The following TMEM235 variants were observed in gnomAD, a reference collection of about 807,000 sequenced individuals.
The protein encoded by TMEM235 is transmembrane protein 235.
A neutral mutation model predicts 22.9 loss-of-function variants in TMEM235; 23 were observed. The ratio of observed to expected loss-of-function variants is 1.00; its 90% CI spans 0.72 to 1.42. The LOEUF is 1.42. Ranked by LOEUF, TMEM235 falls within the 40% of genes most tolerant of loss-of-function variation. TMEM235 has a pLI of 0.00. For missense variants in TMEM235, 308 were observed against 299.5 expected (o/e 1.03, Z -0.21); for synonymous variants, 137 against 140.5 (o/e 0.98, Z 0.17).
At chr17:78,233,963 C>G in exon 3 of TMEM235, 1 of 1,529,728 alleles carries the variant, frequency 6.5e-7, no homozygotes, top group Non-Finnish European at 8.7e-7. Context: ...CACCTCGGTG[C>G]AGCACCTCAT....
chr17:78,232,618 C>A (rs2076595849), intron 2 of TMEM235, among the ~76,000 whole-genome samples: 1 of 152,224 alleles, frequency 6.6e-6, no homozygotes, highest in African/African-American at 2.4e-5. Context: ...GTTCACCCCA[C>A]ACCTCCTGAT....
At chr17:78,234,414 C>T in intron 3 of TMEM235, 179 bp from the exon 3 acceptor site, 3 of 949,118 alleles carry the variant, frequency 3.2e-6, no homozygotes, top group Middle Eastern at 2.1e-4. Flanking sequence ...CCCCTCCTGG[C>T]CTTAGGAAGC....
intron 3 of TMEM235, 94 bp downstream of exon 2, chr17:78,234,069 C>A: frequency 8.7e-7 from 1 of 1,146,228 alleles, no homozygotes; most frequent in Non-Finnish European, 1.2e-6. Flanking sequence ...AGCACTGCTT[C>A]CACTGCCCCT....
chr17:78,234,043 C>T (rs773473011), intron 3 of TMEM235, 68 bp downstream of exon 2: 95 of 1,321,018 alleles, frequency 7.2e-5, no homozygotes, highest in Admixed American at 1.6e-4. Context: ...CCCAGCCATC[C>T]CCATCCCCAT....
chr17:78,232,098 G>A (rs1211188799), exon 2 of TMEM235: 23 of 1,469,966 alleles, frequency 1.6e-5, no homozygotes, highest in Non-Finnish European at 2.1e-5. Context: ...TGGCCGCCGC[G>A]GTCGCCAGCG....
chr17:78,234,856 C>G (rs758367407), intron 4 of TMEM235, 126 bp downstream of exon 3: 2 of 1,263,772 alleles, frequency 1.6e-6, no homozygotes, highest in African/African-American at 3.0e-5. Flanking sequence ...CTGAGTCTGG[C>G]GATGGAGCCG....
Position 78,234,687 on chromosome 17 carries a change from CGT to C in TMEM235, c.369_370del (p.Leu125AlafsTer160). 6.5e-7 allele frequency: 1 copy of C among 1,536,174 alleles called. No individual in the cohort carries two copies. Among genetic ancestry groups the C allele is most frequent in the African/African-American group, 1.4e-5 (1 of 73,180 alleles). On this transcript the variant is annotated frameshift_variant, in exon 4 of 6. Coordinates refer to ENST00000421688, the Ensembl canonical transcript of TMEM235. LOFTEE classifies it high-confidence loss of function. ...GCCTGCTCAGCTCCCTGGCCCAGAG[CGT>C]GTCTCTGCTGCTTTTCACCGGCTGC...
At position 78,237,858 on chromosome 17, in the gene TMEM235, C is replaced by T. The variant is rs897905205; in HGVS notation, c.410-1166C>T. Among the ~76,000 whole-genome samples, 1 of 152,162 alleles carries T rather than the reference C, an allele frequency of 6.6e-6. No homozygotes were observed. The highest frequency in any genetic ancestry group is 1.5e-5 in the Non-Finnish European group (1 of 68,026). On this transcript the variant is annotated intron_variant, in intron 4 of 5. Transcript: ENST00000421688. This position sits in a 1 kb window ranked among gnomAD's most constrained non-coding sequence, Gnocchi z 4.7. The stretch of plus-strand genomic sequence containing the variant: ...CAGCCTCCCCATGCCTTCTTCTCCC[C>T]ACTCTCTGTCCCACTCTTCTTCCCA...
exon 5 of TMEM235, chr17:78,239,224 C>G (rs1326027374): frequency 5.8e-6 from 9 of 1,543,026 alleles, no homozygotes; most frequent in Non-Finnish European, 7.8e-6. Context: ...GACCCTCAGC[C>G]TGAGCCCCCC....
intron 5 of TMEM235, 41 bp from the exon 5 acceptor site, chr17:78,239,739 C>T (rs1309678117): frequency 4.6e-6 from 7 of 1,518,234 alleles, no homozygotes; most frequent in African/African-American, 1.4e-5. Context: ...TCCAGCCCCG[C>T]AATGGCCCTA....
At chr17:78,236,136 G>A (rs2076640075) in intron 4 of TMEM235, among the ~76,000 whole-genome samples, 1 of 152,210 alleles carries the variant, frequency 6.6e-6, no homozygotes, top group Non-Finnish European at 1.5e-5. Flanking sequence ...GTCAGAGCCT[G>A]GGACAGGGAG....
chr17:78,236,108 C>A (rs892803808), intron 4 of TMEM235, among the ~76,000 whole-genome samples: 1 of 152,202 alleles, frequency 6.6e-6, no homozygotes, highest in Admixed American at 6.5e-5. Flanking sequence ...GTGATAGGAG[C>A]AGGGCTTCTG....
chr17:78,233,007 G>C (rs941627326), intron 2 of TMEM235, among the ~76,000 whole-genome samples: 1 of 152,244 alleles, frequency 6.6e-6, no homozygotes, highest in African/African-American at 2.4e-5. Flanking sequence ...GCATGTATAT[G>C]AGTGAGTGCA....
exon 2 of TMEM235, chr17:78,231,439 C>T (rs1029080440): frequency 7.7e-7 from 1 of 1,299,022 alleles, no homozygotes; most frequent in African/African-American, 1.5e-5. Context: ...CAGCCCCCCG[C>T]CCGGCTGTGG....
chr17:78,232,698 C>T (rs945489627), intron 2 of TMEM235, among the ~76,000 whole-genome samples: 3 of 150,974 alleles, frequency 2.0e-5, no homozygotes, highest in Admixed American at 2.0e-4. Flanking sequence ...GGGATCCCAG[C>T]AGGCTGGAGG....
Position 78,238,965 on chromosome 17 carries a change from C to A in TMEM235, c.410-59C>A. ...GCTGAGGCCATGTCTGCAGGACCACCTGGGCCTGGGCCCGCTAGAGCAGAC... is the reference window on the plus strand; with the variant it reads ...GCTGAGGCCATGTCTGCAGGACCACATGGGCCTGGGCCCGCTAGAGCAGAC... On this transcript the variant is annotated intron_variant, in intron 4 of 5. Coordinates refer to ENST00000421688, the Ensembl canonical transcript of TMEM235. This position sits in a 1 kb window ranked among gnomAD's most constrained non-coding sequence, Gnocchi z 4.3. 2 of 1,497,766 alleles carry A rather than the reference C, an allele frequency of 1.3e-6. No homozygotes were observed. The highest frequency in any genetic ancestry group is 1.8e-6 in the Non-Finnish European group (2 of 1,121,510). The allele number at this position is 1,497,766 out of a possible 1,614,324, so 92.8% of individuals were successfully genotyped here.
At chr17:78,236,560 T>G (rs2076646284) in intron 4 of TMEM235, among the ~76,000 whole-genome samples, 1 of 152,206 alleles carries the variant, frequency 6.6e-6, no homozygotes, top group African/African-American at 2.4e-5. Context: ...GGGCTCCCCT[T>G]CACCCCCACT....
At chr17:78,234,222 T>C in intron 3 of TMEM235, 1 of 697,324 alleles carries the variant, frequency 1.4e-6, no homozygotes, top group Non-Finnish European at 2.6e-6. Flanking sequence ...CCTTTGTTAT[T>C]GGGGAAGCCA....
At chr17:78,234,697 C>T in exon 4 of TMEM235, 1 of 1,536,032 alleles carries the variant, frequency 6.5e-7, no homozygotes, top group East Asian at 2.4e-5. Flanking sequence ...CGTGTCTCTG[C>T]TGCTTTTCAC....
Sources: gnomAD v4.1 joint callset for allele counts (sites outside exome capture counted in the v4.1 genomes callset) on GRCh38, gnomAD v4.1.1 for gene constraint, Gnocchi (gnomAD v3.1) non-coding constraint, MANE v1.5 for transcripts, NCBI Gene and HGNC (gene_info 2026-07-23, HGNC 2026-07-21) for gene names.